Variants in FSTL4 observed in about 807,000 individuals in gnomAD.
FSTL4 encodes the protein follistatin like 4.
FSTL4 carries 28 observed loss-of-function variants against 78.2 expected under a neutral mutation model. That is an observed-to-expected ratio of 0.36 (90% CI 0.27 to 0.49). FSTL4 has a LOEUF of 0.49. FSTL4 is among the 20% of genes least tolerant of loss of function. The pLI, the probability that FSTL4 is intolerant of heterozygous loss-of-function variation, is 0.98. For missense variants in FSTL4, 922 were observed against 1,084.9 expected (o/e 0.85, Z 2.11); for synonymous variants, 422 against 440.5 (o/e 0.96, Z 0.53).
chr5:133,261,741 A>G (rs952507600), intron 6 of FSTL4, among the ~76,000 whole-genome samples: 3 of 152,190 alleles, frequency 2.0e-5, no homozygotes, highest in South Asian at 2.1e-4. Flanking sequence ...CTGTAATCCT[A>G]GCACTTTGGG....
At chr5:133,467,803 C>T (rs907490400) in intron 3 of FSTL4, among the ~76,000 whole-genome samples, 1 of 152,190 alleles carries the variant, frequency 6.6e-6, no homozygotes, top group African/African-American at 2.4e-5. Flanking sequence ...TGCTTTCTGG[C>T]TGTTTGCTCA....
the FSTL4 span, among the ~76,000 whole-genome samples, chr5:133,618,171 T>G: frequency 6.6e-6 from 1 of 152,174 alleles, no homozygotes; most frequent in East Asian, 1.9e-4. Context: ...ACAACAACAA[T>G]AATTCATAAC....
intron 4 of FSTL4, among the ~76,000 whole-genome samples, chr5:133,367,374 G>T (rs769723058): frequency 6.6e-6 from 1 of 152,238 alleles, no homozygotes; most frequent in Non-Finnish European, 1.5e-5. Flanking sequence ...GAAGATTTCA[G>T]TCCAGAATGT....
At chr5:133,527,844 C>T (rs751040188) in intron 3 of FSTL4, among the ~76,000 whole-genome samples, 56 of 152,186 alleles carry the variant, frequency 3.7e-4, no homozygotes, top group African/African-American at 1.4e-3. Context: ...AAGTAACCCC[C>T]CTGATATCCA....
chr5:133,498,121 G>C lies in FSTL4; in HGVS notation c.160+69065C>G, dbSNP rs1758409232. ...AATACATACTGGGAGTTGGAGCAGTGGGTGTACTGTGCAAATGAGACTTCC... is the reference window on the plus strand; with the variant it reads ...AATACATACTGGGAGTTGGAGCAGTCGGTGTACTGTGCAAATGAGACTTCC... On this transcript the variant is annotated intron_variant, in intron 3 of 15. Coordinates refer to ENST00000265342, the MANE Select transcript of FSTL4 (RefSeq NM_015082.2). Among the ~76,000 whole-genome samples the C allele has an allele frequency of 2.6e-5, 4 of 152,152 alleles. No homozygotes were observed. The South Asian group carries it at 8.3e-4, about 32-fold the overall frequency.
At chr5:133,347,435 C>T (rs1299915137) in intron 4 of FSTL4, among the ~76,000 whole-genome samples, 1 of 152,202 alleles carries the variant, frequency 6.6e-6, no homozygotes, top group Non-Finnish European at 1.5e-5. Context: ...CAACCTCTGC[C>T]TCCTGGGTTC....
chr5:133,283,392 T>C lies in FSTL4; in HGVS notation c.727+29262A>G, dbSNP rs369491244. Among the ~76,000 whole-genome samples the C allele has an allele frequency of 6.6e-5, 10 of 152,276 alleles. No individual in the cohort carries two copies. In the East Asian group the frequency reaches 1.5e-3, roughly 23 times the overall value. ...TGACCTGGGCCCTGTCTTGGAAAGA[T>C]GTGTCCATTGGCAAGTGACAAAGAA... On this transcript the variant is annotated intron_variant, in intron 6 of 15. Transcript: ENST00000265342.
At chr5:133,785,031 C>A in the FSTL4 span, among the ~76,000 whole-genome samples, 3 of 152,244 alleles carry the variant, frequency 2.0e-5, no homozygotes, top group East Asian at 1.9e-4. Flanking sequence ...GACAACCCAG[C>A]CCACAGGGAC....
chr5:133,242,091 ACTTAT>A (rs749687428), intron 7 of FSTL4, among the ~76,000 whole-genome samples: 5 of 152,208 alleles, frequency 3.3e-5, no homozygotes, highest in African/African-American at 1.2e-4. Context: ...ACTTCCGAGA[ACTTAT>A]CTTACACGTC....
the FSTL4 span, among the ~76,000 whole-genome samples, chr5:133,794,492 C>A: frequency 6.6e-6 from 1 of 152,198 alleles, no homozygotes; most frequent in Non-Finnish European, 1.5e-5. Flanking sequence ...CCACAGCAGA[C>A]CACACTCAGG....
In FSTL4 at chr5:133,316,586, A is replaced by C. The variant is rs771171253; in HGVS notation, c.476T>G (p.Leu159Arg). Residue 159 changes from leucine to arginine, a missense_variant, in exon 5 of 16, where the codon CTG becomes CGG. Transcript: ENST00000265342. ...KNVLLALQTR[L>R]QPLQEGDSRQ... ...GCTGTCTCCTTCTTGGAGTGGCTGC[A>C]GACGGGTCTGGAGTGCCAGAAGGAC... The C allele has an allele frequency of 6.2e-7, 1 of 1,614,216 alleles. No individual in the cohort carries two copies. The highest frequency in any genetic ancestry group is 1.1e-5 in the South Asian group (1 of 91,080).
intron 3 of FSTL4, 98 bp downstream of exon 3, chr5:133,567,088 A>G (rs1488824499): frequency 1.1e-6 from 1 of 882,206 alleles, no homozygotes; most frequent in Non-Finnish European, 1.9e-6. Context: ...ATTTCAAAGA[A>G]TGAGCTGCCC....
intron 3 of FSTL4, among the ~76,000 whole-genome samples, chr5:133,450,775 G>A (rs1757367633): frequency 6.6e-6 from 1 of 152,200 alleles, no homozygotes; most frequent in South Asian, 2.1e-4. Context: ...ACTTAATGCA[G>A]AGTCTACCGG....
At chr5:133,347,857 G>A (rs1315009117) in intron 4 of FSTL4, among the ~76,000 whole-genome samples, 1 of 152,114 alleles carries the variant, frequency 6.6e-6, no homozygotes, top group East Asian at 1.9e-4. Flanking sequence ...AATAGACCTA[G>A]TTTCCACTTT....
intron 6 of FSTL4, among the ~76,000 whole-genome samples, chr5:133,297,987 C>T (rs76354765): frequency 1.2e-4 from 19 of 152,312 alleles, no homozygotes; most frequent in African/African-American, 3.6e-4. Flanking sequence ...CCGAAACAGA[C>T]GCTGGTGACC....
intron 3 of FSTL4, among the ~76,000 whole-genome samples, chr5:133,507,788 TG>T (rs1323577017): frequency 4.6e-5 from 7 of 151,860 alleles, no homozygotes; most frequent in Non-Finnish European, 1.0e-4. Flanking sequence ...CCTAAAGTGC[TG>T]GGGTTACAGG....
intron 3 of FSTL4, among the ~76,000 whole-genome samples, chr5:133,436,932 T>C (rs1481257349): frequency 1.3e-5 from 2 of 152,168 alleles, no homozygotes; most frequent in Non-Finnish European, 1.5e-5. Context: ...AGTGGTGGTA[T>C]TGGAGATAGA....
chr5:133,307,352 C>T (rs1226679494), intron 6 of FSTL4, among the ~76,000 whole-genome samples: 2 of 152,196 alleles, frequency 1.3e-5, no homozygotes, highest in Non-Finnish European at 2.9e-5. Flanking sequence ...AGATTCTCTT[C>T]AACGGAGAAT....
chr5:133,531,721 C>T (rs1332920996), intron 3 of FSTL4, among the ~76,000 whole-genome samples: 1 of 152,202 alleles, frequency 6.6e-6, no homozygotes, highest in Non-Finnish European at 1.5e-5. Context: ...CTTTAGTTTA[C>T]AGCACCACAG....
Sources: allele counts gnomAD v4.1 joint callset (sites outside exome capture counted in the v4.1 genomes callset), GRCh38; gene constraint gnomAD v4.1.1; transcripts MANE v1.5; gene names NCBI Gene and HGNC (gene_info 2026-07-23, HGNC 2026-07-21).